Variants in OSBPL9 observed in about 807,000 individuals in gnomAD.
OSBPL9 encodes oxysterol-binding protein-related protein 9.
A neutral mutation model predicts 106.6 loss-of-function variants in OSBPL9; 40 were observed. That is an observed-to-expected ratio of 0.38 (90% CI 0.29 to 0.49). The LOEUF (loss-of-function observed/expected upper bound fraction) is 0.49. Ranked by LOEUF, OSBPL9 falls within the 20% of genes least tolerant of loss-of-function variation. OSBPL9 has a pLI of 0.97. For missense variants in OSBPL9, 609 were observed against 887.2 expected (o/e 0.69, Z 3.98); for synonymous variants, 269 against 295.4 (o/e 0.91, Z 0.92).
At chr1:51,732,379 CTT>C (rs761407690) in intron 4 of OSBPL9, among the ~76,000 whole-genome samples, 12 of 152,106 alleles carry the variant, frequency 7.9e-5, no homozygotes, top group Admixed American at 7.2e-4. Context: ...AGAAAAAAGA[CTT>C]TGTGATTACT....
chr1:51,621,607 A>G (rs1644443393), intron 1 of OSBPL9, among the ~76,000 whole-genome samples: 1 of 152,160 alleles, frequency 6.6e-6, no homozygotes, highest in African/African-American at 2.4e-5. Context: ...AATATCAAAT[A>G]TCCAGTCTGT....
At chr1:51,676,522 G>A (rs945122084) in intron 3 of OSBPL9, among the ~76,000 whole-genome samples, 1 of 151,878 alleles carries the variant, frequency 6.6e-6, no homozygotes, top group Non-Finnish European at 1.5e-5. Flanking sequence ...GCCGGGAGTG[G>A]TGGTGATGTG....
In OSBPL9 at chr1:51,663,288, G is replaced by T. The variant is rs572807728; in HGVS notation, c.163-6146G>T. On this transcript the variant is annotated intron_variant, in intron 2 of 23. Coordinates refer to ENST00000428468, the MANE Select transcript of OSBPL9 (RefSeq NM_024586.6). The stretch of plus-strand genomic sequence containing the variant: ...TATTTCTAGTCATTTGAGTCATTAT[G>T]CTGGCAAGTGTGTGTGTGTGTGTGT... Among the ~76,000 whole-genome samples the T allele has an allele frequency of 3.5e-5, 4 of 114,906 alleles. No homozygotes were observed. The East Asian group carries it at 1.1e-3, about 31-fold the overall frequency. 75.4% of individuals were successfully genotyped at this position (114,906 alleles called of 152,430 possible). A position where few individuals can be genotyped will look rare whatever the true frequency, so the allele number is the denominator to read the frequency against.
At chr1:51,599,214 A>G (rs1361539492) in intron 2 of OSBPL9, among the ~76,000 whole-genome samples, 1 of 152,170 alleles carries the variant, frequency 6.6e-6, no homozygotes, top group Non-Finnish European at 1.5e-5. Context: ...CCTCATCTCT[A>G]AAACAAAAAA....
chr1:51,634,078 G>T (rs1645273693), intron 1 of OSBPL9, among the ~76,000 whole-genome samples: 1 of 152,126 alleles, frequency 6.6e-6, no homozygotes, highest in South Asian at 2.1e-4. Context: ...AAATTTCATG[G>T]GTCTAGCTGT....
the OSBPL9 span, among the ~76,000 whole-genome samples, chr1:51,559,341 G>A: frequency 1.3e-5 from 2 of 151,984 alleles, no homozygotes; most frequent in African/African-American, 2.4e-5. Flanking sequence ...TGTCAGACCC[G>A]ATTAGAAGTT....
chr1:51,758,018 T>C (rs1333436412), intron 9 of OSBPL9, among the ~76,000 whole-genome samples: 1 of 152,194 alleles, frequency 6.6e-6, no homozygotes, highest in African/African-American at 2.4e-5. Flanking sequence ...TCTGCACATT[T>C]ATTTTTAAAG....
At chr1:51,651,419 A>G (rs946233853) in intron 1 of OSBPL9, among the ~76,000 whole-genome samples, 10 of 152,074 alleles carry the variant, frequency 6.6e-5, no homozygotes, top group Non-Finnish European at 1.0e-4. Flanking sequence ...CCTGGCCAAC[A>G]TGGTGAAACC....
intron 15 of OSBPL9, among the ~76,000 whole-genome samples, chr1:51,777,450 G>T (rs758950515): frequency 1.3e-5 from 2 of 152,162 alleles, no homozygotes; most frequent in Non-Finnish European, 2.9e-5. Context: ...AGGTGAAATT[G>T]ATTTACAAGG....
chr1:51,676,607 C>T (rs559578825), intron 3 of OSBPL9, among the ~76,000 whole-genome samples: 176 of 148,044 alleles, frequency 1.2e-3, no homozygotes, highest in African/African-American at 4.2e-3. Flanking sequence ...TTCAGTGAGC[C>T]GAGATCGCGC....
At position 51,697,651 on chromosome 1, in the gene OSBPL9, C is replaced by A. The variant is rs144677583; in HGVS notation, c.242-16352C>A. On this transcript the variant is annotated intron_variant, in intron 3 of 23. Transcript: ENST00000428468. The stretch of plus-strand genomic sequence containing the variant: ...TAGAAAGTTGTCCTAAAAGCTACTT[C>A]TTGTAGTTTAGGTTGTGTGAGTTAC... Among the ~76,000 whole-genome samples the A allele has an allele frequency of 5.7e-4, 86 of 151,144 alleles. No individual in the cohort carries two copies. The East Asian group carries it at 0.015, about 26-fold the overall frequency.
At chr1:51,627,393 ACTT>A (rs1482497080) in intron 1 of OSBPL9, among the ~76,000 whole-genome samples, 1 of 151,980 alleles carries the variant, frequency 6.6e-6, no homozygotes, top group African/African-American at 2.4e-5. Context: ...TGTTGGAAAG[ACTT>A]CTTTCTCCAT....
chr1:51,555,045 C>A, the OSBPL9 span, among the ~76,000 whole-genome samples: 277 of 152,276 alleles, frequency 1.8e-3, no homozygotes, highest in African/African-American at 6.5e-3. Context: ...TTTAGTTTCC[C>A]AAGAATCTAT....
At chr1:51,707,294 C>T (rs184893401) in intron 3 of OSBPL9, 73 of 205,754 alleles carry the variant, frequency 3.5e-4, no homozygotes, top group African/African-American at 1.6e-3. Context: ...CACTTAAAGT[C>T]GGAGGAGACA....
chr1:51,552,977 A>C, the OSBPL9 span, among the ~76,000 whole-genome samples: 11 of 151,662 alleles, frequency 7.3e-5, no homozygotes, highest in South Asian at 2.1e-4. Flanking sequence ...AAAAAAAAAA[A>C]CAAACTTTTT....
At chr1:51,762,563 T>C (rs1671752355) in intron 11 of OSBPL9, among the ~76,000 whole-genome samples, 1 of 152,248 alleles carries the variant, frequency 6.6e-6, no homozygotes, top group African/African-American at 2.4e-5. Context: ...TTACTCCAGC[T>C]AGACTTGCAT....
At position 51,746,743 on chromosome 1, in the gene OSBPL9, G is replaced by A. The variant is rs1333805989; in HGVS notation, c.448G>A (p.Asp150Asn). Residue 150 changes from aspartate (D) to asparagine (N), a missense_variant, in exon 6 of 24, where the codon GAT becomes AAT. This residue lies in a region of OSBPL9 where 356 missense variants were observed against 505.8 expected (regional missense o/e 0.70). Coordinates refer to ENST00000428468, the MANE Select transcript of OSBPL9 (RefSeq NM_024586.6). ...FDDKLQNCKE[D>N]EQRKKIETLK... The stretch of plus-strand genomic sequence containing the variant: ...TGACAAGCTTCAAAACTGCAAAGAA[G>A]ATGAACAGAGAAAGGTAACTTCCAT... The A allele has an allele frequency of 6.2e-7, 1 of 1,607,568 alleles. No homozygotes were observed. The highest frequency in any genetic ancestry group is 8.5e-7 in the Non-Finnish European group (1 of 1,177,794).
At position 51,756,347 on chromosome 1, in the gene OSBPL9, G is replaced by GATGGA; in HGVS notation, c.575_579dup (p.Ile194GlufsTer2). 1 of 1,613,130 alleles carries GATGGA rather than the reference G, an allele frequency of 6.2e-7. No homozygotes were observed. Among genetic ancestry groups the GATGGA allele is most frequent in the Admixed American group, 1.7e-5 (1 of 59,900 alleles). On this transcript the variant is annotated frameshift_variant, in exon 9 of 24. Coordinates refer to ENST00000428468, the MANE Select transcript of OSBPL9 (RefSeq NM_024586.6). LOFTEE classifies it high-confidence loss of function. ...CCAGAGTAATGCGGAGAAGCACGCA[G>GATGGA]ATGGAATGATAGTAAGTTTAATGTA...
intron 4 of OSBPL9, among the ~76,000 whole-genome samples, chr1:51,724,444 C>G (rs1023147574): frequency 1.3e-5 from 2 of 151,918 alleles, no homozygotes; most frequent in African/African-American, 4.8e-5. Context: ...CCACCATGCC[C>G]AGCTAATTTT....
Sources: allele counts gnomAD v4.1 joint callset (sites outside exome capture counted in the v4.1 genomes callset), GRCh38; gene constraint gnomAD v4.1.1; regional missense constraint gnomAD v4.1.1; transcripts MANE v1.5; gene names NCBI Gene and HGNC (gene_info 2026-07-23, HGNC 2026-07-21).